Variants in RPRD2 observed in about 807,000 individuals in gnomAD.
The protein encoded by RPRD2 is regulation of nuclear pre-mRNA domain-containing protein 2.
A neutral mutation model predicts 104.4 loss-of-function variants in RPRD2; 12 were observed. That is an observed-to-expected ratio of 0.11 (90% CI 0.07 to 0.19). The LOEUF is 0.19. Ranked by LOEUF, RPRD2 falls within the 10% of genes least tolerant of loss-of-function variation. The pLI is 1.00. For synonymous variants in RPRD2, 714 were observed against 684.9 expected, an observed-to-expected ratio of 1.04 and a Z score of -0.66; for missense variants, 1,543 against 1,790.1, an observed-to-expected ratio of 0.86 and a Z score of 2.49.
chr1:150,426,745 G>T (rs782654270), intron 2 of RPRD2, among the ~76,000 whole-genome samples: 22 of 152,288 alleles, frequency 1.4e-4, no homozygotes, highest in Non-Finnish European at 2.8e-4. Context: ...TTGTTCAATG[G>T]GTATAGAGTT....
intron 1 of RPRD2, among the ~76,000 whole-genome samples, chr1:150,409,709 C>T (rs782651607): frequency 8.1e-5 from 11 of 135,144 alleles, no homozygotes; most frequent in East Asian, 4.3e-4. Context: ...AGTGCAGTGG[C>T]GCAATCTTGG....
At chr1:150,436,640 C>A (rs67654647) in intron 2 of RPRD2, among the ~76,000 whole-genome samples, 33,400 of 147,612 alleles carry the variant, frequency 0.23, 4,172 homozygotes, top group African/African-American at 0.33. Flanking sequence ...TGGTGGCTCA[C>A]ACCTGTAATC....
intron 1 of RPRD2, among the ~76,000 whole-genome samples, chr1:150,384,683 T>TGTGTGTGTGTTTG (rs1560155301): frequency 4.2e-4 from 50 of 118,004 alleles, no homozygotes; most frequent in Non-Finnish European, 7.7e-4. Flanking sequence ...GTGTGTGTGT[T>TGTGTGTGTGTTTG]TTTAGTAGAG....
intron 1 of RPRD2, among the ~76,000 whole-genome samples, chr1:150,403,548 CAT>C (rs1380861161): frequency 6.6e-6 from 1 of 152,178 alleles, no homozygotes; most frequent in East Asian, 1.9e-4. Context: ...ATTTCCATAA[CAT>C]AATGACTTTG....
At position 150,364,741 on chromosome 1, in the gene RPRD2, C is replaced by T. The variant is rs587597557; in HGVS notation, c.27C>T (p.Ser9=). 14 of 1,589,024 alleles carry T rather than the reference C, an allele frequency of 8.8e-6. No homozygotes were observed. In the African/African-American group the frequency reaches 1.7e-4, roughly 20 times the overall value. ...TGGCGGCCGGCGGCGGCGGAGGCAG[C>T]AGTAAGGCCTCCTCCTCGTCGGCCT... The part of the protein sequence containing the change: MAAGGGGG[S]SKASSSSASS... Residue 9 remains serine, a synonymous_variant, in exon 1 of 11, where the codon AGC becomes AGT. Coordinates refer to ENST00000369068, the MANE Select transcript of RPRD2 (RefSeq NM_015203.5).
At chr1:150,365,763 G>C (rs1389614202) in intron 1 of RPRD2, among the ~76,000 whole-genome samples, 2 of 152,030 alleles carry the variant, frequency 1.3e-5, no homozygotes, top group East Asian at 3.9e-4. Flanking sequence ...CTAATTATTT[G>C]TATTTTTAGT....
chr1:150,457,726 TGATATGC>T (rs1667634316), intron 8 of RPRD2, among the ~76,000 whole-genome samples, 156 bp downstream of exon 8: 2 of 152,216 alleles, frequency 1.3e-5, no homozygotes, highest in Non-Finnish European at 2.9e-5. Flanking sequence ...GTTGAGGATT[TGATATGC>T]CAAATGTGTT....
At chr1:150,449,033 G>A (rs1354002494) in intron 7 of RPRD2, among the ~76,000 whole-genome samples, 4 of 152,166 alleles carry the variant, frequency 2.6e-5, no homozygotes, top group Admixed American at 6.5e-5. Context: ...GGGAGGCTGA[G>A]GTAGGAGGAT....
intron 3 of RPRD2, 52 bp from the exon 4 acceptor site, chr1:150,441,829 G>T: frequency 7.3e-7 from 1 of 1,375,404 alleles, no homozygotes; most frequent in South Asian, 1.2e-5. Flanking sequence ...GAAGTGGACA[G>T]ACAGAACAGC....
chr1:150,424,693 C>T (rs368265592), intron 2 of RPRD2, among the ~76,000 whole-genome samples: 7 of 152,220 alleles, frequency 4.6e-5, no homozygotes, highest in African/African-American at 1.7e-4. Flanking sequence ...GGACTAGAAC[C>T]CAGATTTTTC....
chr1:150,402,704 C>T lies in RPRD2; in HGVS notation c.206-14892C>T, dbSNP rs587680649. 1.8e-4 allele frequency among the ~76,000 whole-genome samples: 27 copies of T among 152,036 alleles called. No homozygotes were observed. The South Asian group carries it at 5.0e-3, about 28-fold the overall frequency. ...CGTTTCAGCCGGGCGCGGTGGCTCACGCCTGTAATCCCAGCACTTTGGGAG... is the reference window on the plus strand; with the variant it reads ...CGTTTCAGCCGGGCGCGGTGGCTCATGCCTGTAATCCCAGCACTTTGGGAG... On this transcript the variant is annotated intron_variant, in intron 1 of 10. Coordinates refer to ENST00000369068, the MANE Select transcript of RPRD2 (RefSeq NM_015203.5).
chr1:150,414,818 T>C (rs1433801126), intron 1 of RPRD2, among the ~76,000 whole-genome samples: 1 of 152,192 alleles, frequency 6.6e-6, no homozygotes, highest in Non-Finnish European at 1.5e-5. Context: ...GAGTGGCTCC[T>C]ATAATTATGG....
chr1:150,436,495 G>T (rs1027381266), intron 2 of RPRD2, among the ~76,000 whole-genome samples: 1 of 152,028 alleles, frequency 6.6e-6, no homozygotes, highest in Non-Finnish European at 1.5e-5. Context: ...CAGCTACTCC[G>T]GAGGCTGAGG....
chr1:150,368,192 C>A (rs1455915706), intron 1 of RPRD2, among the ~76,000 whole-genome samples: 2 of 131,212 alleles, frequency 1.5e-5, no homozygotes, highest in Non-Finnish European at 3.2e-5. Context: ...CTACTTTGAT[C>A]ACCTTATTTC....
intron 2 of RPRD2, among the ~76,000 whole-genome samples, chr1:150,425,104 G>C (rs1665029504): frequency 6.6e-6 from 1 of 152,024 alleles, no homozygotes; most frequent in South Asian, 2.1e-4. Context: ...AATAAAATTA[G>C]TTTCTCGTCT....
chr1:150,391,129 T>C (rs1024187591), intron 1 of RPRD2, among the ~76,000 whole-genome samples: 1 of 152,122 alleles, frequency 6.6e-6, no homozygotes, highest in Non-Finnish European at 1.5e-5. Context: ...GAATGACAGA[T>C]TGATAACTAT....
Position 150,368,205 on chromosome 1 carries a change from G to GTT in RPRD2, c.205+3304_205+3305dup, listed in dbSNP as rs10572674. On this transcript the variant is annotated intron_variant, in intron 1 of 10. Coordinates refer to ENST00000369068, the MANE Select transcript of RPRD2 (RefSeq NM_015203.5). ...ACCTACTTTGATCACCTTATTTCTT[G>GTT]TTTTTTTTTTTTTTTTTTTAATACG... is the stretch of plus-strand genomic sequence containing the variant. 9.0e-3 allele frequency among the ~76,000 whole-genome samples: 1,013 copies of GTT among 112,694 alleles called. 4 individuals are homozygous for GTT. The highest frequency in any genetic ancestry group is 0.028 in the East Asian group (122 of 4,314). 73.9% of individuals were successfully genotyped at this position (112,694 alleles called of 152,430 possible).
chr1:150,365,382 C>T (rs1375427826), intron 1 of RPRD2, among the ~76,000 whole-genome samples: 1 of 152,086 alleles, frequency 6.6e-6, no homozygotes, highest in African/African-American at 2.4e-5. Context: ...ATGAATGTAT[C>T]TAAAACTTGT....
chr1:150,407,910 G>GT (rs782334532), intron 1 of RPRD2, among the ~76,000 whole-genome samples: 1 of 151,748 alleles, frequency 6.6e-6, no homozygotes, highest in African/African-American at 2.4e-5. Flanking sequence ...TTTTATATGG[G>GT]TTTTTTTGTG....
Sources: allele counts gnomAD v4.1 joint callset (sites outside exome capture counted in the v4.1 genomes callset), GRCh38; gene constraint gnomAD v4.1.1; transcripts MANE v1.5; gene names NCBI Gene and HGNC (gene_info 2026-07-23, HGNC 2026-07-21).